ENOX1: variants seen among roughly 807,000 people sequenced by gnomAD.
The protein encoded by ENOX1 is candidate growth-related and time keeping constitutive hydroquinone (NADH) oxidase.
Under a neutral mutation model 82.5 loss-of-function variants are expected in ENOX1, and 42 were observed. That is an observed-to-expected ratio of 0.51 (90% CI 0.40 to 0.66). The LOEUF is 0.66. Ranked by LOEUF, ENOX1 falls within the 30% of genes least tolerant of loss-of-function variation. The pLI is 0.00. For missense variants in ENOX1, 608 were observed against 811.6 expected (o/e 0.75, Z 3.05); for synonymous variants, 271 against 282.2 (o/e 0.96, Z 0.40).
intron 15 of ENOX1, among the ~76,000 whole-genome samples, chr13:43,230,808 C>G (rs1488896575): frequency 1.3e-5 from 2 of 152,116 alleles, no homozygotes; most frequent in Non-Finnish European, 2.9e-5. Flanking sequence ...GATGGGTTAG[C>G]CCTGTTATAG....
chr13:43,690,030 T>C (rs1244397992), intron 1 of ENOX1, among the ~76,000 whole-genome samples: 4 of 152,118 alleles, frequency 2.6e-5, no homozygotes, highest in African/African-American at 9.7e-5. Flanking sequence ...GGCCAGAACA[T>C]CCATCCCCTG....
chr13:43,648,462 T>C (rs1317144160), intron 2 of ENOX1, among the ~76,000 whole-genome samples: 1 of 151,960 alleles, frequency 6.6e-6, no homozygotes, highest in Admixed American at 6.6e-5. Context: ...GAAAATAAAA[T>C]AAGATGATGA....
chr13:43,435,570 C>T (rs993961668), intron 3 of ENOX1, among the ~76,000 whole-genome samples: 4 of 152,166 alleles, frequency 2.6e-5, no homozygotes, highest in African/African-American at 9.7e-5. Flanking sequence ...AATTATGATT[C>T]ATATGCTTCA....
chr13:43,411,598 G>T (rs908896860), intron 5 of ENOX1, among the ~76,000 whole-genome samples: 2 of 152,138 alleles, frequency 1.3e-5, no homozygotes, highest in Non-Finnish European at 2.9e-5. Flanking sequence ...CAATCAAATG[G>T]GATAATGTAG....
At chr13:43,587,653 G>A (rs2081056173) in intron 2 of ENOX1, among the ~76,000 whole-genome samples, 1 of 152,154 alleles carries the variant, frequency 6.6e-6, no homozygotes, top group Admixed American at 6.5e-5. Flanking sequence ...GCTGTCTAAT[G>A]CACTGACAGT....
chr13:43,434,937 G>GTTTGTTTTT (rs1555273075), intron 3 of ENOX1, among the ~76,000 whole-genome samples: 3 of 75,902 alleles, frequency 4.0e-5, no homozygotes, highest in Non-Finnish European at 4.9e-5. Flanking sequence ...TGTGTGTGTG[G>GTTTGTTTTT]TTTTTTTTTT....
At chr13:43,437,303 G>A (rs1443364889) in intron 3 of ENOX1, among the ~76,000 whole-genome samples, 2 of 152,098 alleles carry the variant, frequency 1.3e-5, no homozygotes, top group African/African-American at 4.8e-5. Context: ...GTGGTGATGG[G>A]GGGATTTACT....
chr13:43,393,076 T>C (rs901050529), intron 5 of ENOX1, among the ~76,000 whole-genome samples: 11 of 152,192 alleles, frequency 7.2e-5, no homozygotes, highest in Non-Finnish European at 1.6e-4. Flanking sequence ...TCATTAGAAA[T>C]AATTCATATA....
intron 5 of ENOX1, among the ~76,000 whole-genome samples, chr13:43,377,223 C>T (rs764729175): frequency 5.3e-5 from 8 of 152,024 alleles, no homozygotes; most frequent in East Asian, 1.9e-4. Context: ...ATTGTGAGAG[C>T]GGGCTCCTGA....
At chr13:43,643,690 C>T (rs1257100769) in intron 2 of ENOX1, among the ~76,000 whole-genome samples, 1 of 150,346 alleles carries the variant, frequency 6.7e-6, no homozygotes, top group Non-Finnish European at 1.5e-5. Context: ...TATAAATATC[C>T]ATATATACAT....
At chr13:43,550,158 G>A (rs1013912789) in intron 2 of ENOX1, among the ~76,000 whole-genome samples, 1 of 152,166 alleles carries the variant, frequency 6.6e-6, no homozygotes, top group Non-Finnish European at 1.5e-5. Context: ...ATGCTCACTC[G>A]CCTGCCTCTC....
intron 1 of ENOX1, among the ~76,000 whole-genome samples, chr13:43,702,002 C>T (rs1288436696): frequency 6.6e-6 from 1 of 152,168 alleles, no homozygotes; most frequent in East Asian, 1.9e-4. Flanking sequence ...CTACTCCCTC[C>T]ATCCTATCCC....
At chr13:43,415,392 C>T (rs558785618) in intron 3 of ENOX1, among the ~76,000 whole-genome samples, 15 of 152,010 alleles carry the variant, frequency 9.9e-5, no homozygotes, top group East Asian at 7.7e-4. Context: ...GAGGTCCCTG[C>T]GGCCTTCCGC....
intron 14 of ENOX1, among the ~76,000 whole-genome samples, chr13:43,243,915 T>C (rs769479173): frequency 1.3e-5 from 2 of 152,052 alleles, no homozygotes; most frequent in Non-Finnish European, 2.9e-5. Flanking sequence ...GCACAAGTCC[T>C]GTATCTCCCA....
intron 2 of ENOX1, among the ~76,000 whole-genome samples, chr13:43,538,830 C>A (rs1025706397): frequency 0.045 from 59 of 1,320 alleles, 1 homozygote; most frequent in African/African-American, 0.1. Flanking sequence ...TTCCTCCCCG[C>A]CCCTGCCCTT....
At chr13:43,431,694 T>C (rs1364009422) in intron 3 of ENOX1, among the ~76,000 whole-genome samples, 1 of 152,202 alleles carries the variant, frequency 6.6e-6, no homozygotes, top group Admixed American at 6.5e-5. Flanking sequence ...GGTGTATATA[T>C]ACATACACAC....
intron 2 of ENOX1, among the ~76,000 whole-genome samples, chr13:43,503,169 G>A (rs2077040441): frequency 6.6e-6 from 1 of 151,178 alleles, no homozygotes; most frequent in South Asian, 2.1e-4. Flanking sequence ...GGAGGTGAAA[G>A]ACTTGTACAC....
At chr13:43,516,670 A>C (rs934824734) in intron 2 of ENOX1, among the ~76,000 whole-genome samples, 3 of 152,124 alleles carry the variant, frequency 2.0e-5, no homozygotes, top group Non-Finnish European at 4.4e-5. Flanking sequence ...GCTTCTGGAA[A>C]ACTCTAGTTG....
chr13:43,723,024 A>G (rs1354050309), intron 1 of ENOX1, among the ~76,000 whole-genome samples: 1 of 152,204 alleles, frequency 6.6e-6, no homozygotes, highest in African/African-American at 2.4e-5. Context: ...GCACCAACAC[A>G]GTTTGTGAGT....
Sources: allele counts gnomAD v4.1 joint callset (sites outside exome capture counted in the v4.1 genomes callset), GRCh38; gene constraint gnomAD v4.1.1; transcripts MANE v1.5; gene names NCBI Gene and HGNC (gene_info 2026-07-23, HGNC 2026-07-21).